The following MAPK10 variants were observed in gnomAD, a reference collection of about 807,000 sequenced individuals.
MAPK10 encodes the protein JNK3 alpha protein kinase.
In MAPK10, 25 loss-of-function variants were observed where a neutral mutation model predicts 59.3. That is an observed-to-expected ratio of 0.42 (90% CI 0.31 to 0.59). The LOEUF is 0.59. Ranked by LOEUF, MAPK10 falls within the 20% of genes least tolerant of loss-of-function variation. The probability of loss-of-function intolerance (pLI) is 0.15; values close to 1 mark genes in which losing one functional copy is unlikely to be tolerated. For synonymous variants in MAPK10, 190 were observed against 200.5 expected, an observed-to-expected ratio of 0.95 and a Z score of 0.44; for missense variants, 351 against 568.9, an observed-to-expected ratio of 0.62 and a Z score of 3.90.
At chr4:86,498,605 T>C (rs1375244439) in intron 1 of MAPK10, among the ~76,000 whole-genome samples, 1 of 152,110 alleles carries the variant, frequency 6.6e-6, no homozygotes, top group African/African-American at 2.4e-5. Context: ...GAAAACAAAA[T>C]ACTAAAAATT....
At chr4:86,165,761 T>C (rs923822866) in intron 3 of MAPK10, among the ~76,000 whole-genome samples, 3 of 151,916 alleles carry the variant, frequency 2.0e-5, no homozygotes, top group African/African-American at 7.3e-5. Context: ...TAGGATTAAA[T>C]TTTGTTCTCT....
At chr4:86,272,869 C>A (rs1240543493) in intron 2 of MAPK10, among the ~76,000 whole-genome samples, 1 of 152,076 alleles carries the variant, frequency 6.6e-6, no homozygotes, top group East Asian at 1.9e-4. Flanking sequence ...ACATCATCTG[C>A]TGCTCTTATA....
At chr4:86,171,494 C>G (rs185014934) in intron 3 of MAPK10, among the ~76,000 whole-genome samples, 4 of 151,470 alleles carry the variant, frequency 2.6e-5, no homozygotes, top group Admixed American at 6.6e-5. Context: ...CCCTATTTAA[C>G]AAATGGTGCT....
At chr4:86,203,012 C>A (rs1054999358) in intron 2 of MAPK10, among the ~76,000 whole-genome samples, 1 of 151,918 alleles carries the variant, frequency 6.6e-6, no homozygotes, top group Admixed American at 6.6e-5. Context: ...TGTATAGAAA[C>A]AACACAGATG....
At chr4:86,360,073 G>A, upstream of MAPK10, 1 of 985,870 alleles carries the variant, frequency 1.0e-6, no homozygotes, top group Non-Finnish European at 1.2e-6. Flanking sequence ...CAGAGGAGAC[G>A]GACAGAGGGC....
intron 4 of MAPK10, among the ~76,000 whole-genome samples, chr4:86,133,349 C>CT (rs2061351588): frequency 6.6e-6 from 1 of 152,080 alleles, no homozygotes; most frequent in African/African-American, 2.4e-5. Context: ...TATTTATCAG[C>CT]TTTTTTACAA....
chr4:86,169,112 G>GA (rs1415024062), intron 3 of MAPK10, among the ~76,000 whole-genome samples: 2 of 151,666 alleles, frequency 1.3e-5, no homozygotes, highest in Non-Finnish European at 2.9e-5. Context: ...CAAAGATGGG[G>GA]AAAAAACAGA....
chr4:86,234,821 TCAA>T (rs1169119489), intron 2 of MAPK10, among the ~76,000 whole-genome samples: 1 of 152,174 alleles, frequency 6.6e-6, no homozygotes, highest in Non-Finnish European at 1.5e-5. Context: ...TAGACTTAAA[TCAA>T]CAACCTCTAA....
At chr4:86,104,802 C>T (rs1361767003) in intron 5 of MAPK10, among the ~76,000 whole-genome samples, 1 of 151,898 alleles carries the variant, frequency 6.6e-6, no homozygotes, top group Non-Finnish European at 1.5e-5. Flanking sequence ...TCTTATTTTC[C>T]CTTTTCCTAT....
At chr4:86,372,301 G>A (rs1177542033) in intron 1 of MAPK10, among the ~76,000 whole-genome samples, 2 of 152,016 alleles carry the variant, frequency 1.3e-5, no homozygotes, top group Non-Finnish European at 2.9e-5. Context: ...GGCAGATCAC[G>A]AGGTCAGGAG....
intron 1 of MAPK10, among the ~76,000 whole-genome samples, chr4:86,422,625 G>A (rs139925389): frequency 7.5e-4 from 114 of 152,246 alleles, no homozygotes; most frequent in Non-Finnish European, 1.5e-3. Context: ...TCATTGGCAC[G>A]CCTGGTAAGC....
chr4:86,340,916 T>C (rs1578536237), intron 2 of MAPK10, among the ~76,000 whole-genome samples: 1 of 152,242 alleles, frequency 6.6e-6, no homozygotes, highest in African/African-American at 2.4e-5. Context: ...GCATTTTCAA[T>C]AGTCATTTTT....
At chr4:86,054,560 G>C (rs1254378120) in intron 11 of MAPK10, among the ~76,000 whole-genome samples, 1 of 152,156 alleles carries the variant, frequency 6.6e-6, no homozygotes, top group Non-Finnish European at 1.5e-5. Context: ...TACAGACATT[G>C]ATTTAACTTT....
chr4:86,311,646 G>A (rs1469520007), intron 2 of MAPK10, among the ~76,000 whole-genome samples: 1 of 151,950 alleles, frequency 6.6e-6, no homozygotes, highest in African/African-American at 2.4e-5. Context: ...TTATTCCTAG[G>A]TGTGTTGCCT....
chr4:86,283,169 T>C (rs556133073), intron 2 of MAPK10, among the ~76,000 whole-genome samples: 2 of 152,332 alleles, frequency 1.3e-5, no homozygotes, highest in East Asian at 1.9e-4. Context: ...TGGCGTATAA[T>C]GGGTATAATT....
intron 1 of MAPK10, among the ~76,000 whole-genome samples, chr4:86,476,254 A>G (rs1294082471): frequency 6.6e-6 from 1 of 151,854 alleles, no homozygotes; most frequent in East Asian, 1.9e-4. Flanking sequence ...CCAGGTCCCA[A>G]TTCTTCCTCA....
At chr4:86,211,218 T>A (rs2085713426) in intron 2 of MAPK10, among the ~76,000 whole-genome samples, 1 of 151,918 alleles carries the variant, frequency 6.6e-6, no homozygotes, top group Non-Finnish European at 1.5e-5. Flanking sequence ...GATATAAACA[T>A]CTAAGAAGCT....
intron 1 of MAPK10, among the ~76,000 whole-genome samples, chr4:86,583,214 G>T (rs1416020889): frequency 6.6e-6 from 1 of 151,864 alleles, no homozygotes; most frequent in Non-Finnish European, 1.5e-5. Context: ...TAGTAGAGAC[G>T]TGGTTTCACT....
chr4:86,116,337 C>G (rs1312378477), intron 4 of MAPK10, among the ~76,000 whole-genome samples: 1 of 152,166 alleles, frequency 6.6e-6, no homozygotes, highest in African/African-American at 2.4e-5. Flanking sequence ...TGATTCGATC[C>G]TCTACAGCCA....
Sources: gnomAD v4.1 joint callset for allele counts (sites outside exome capture counted in the v4.1 genomes callset) on GRCh38, gnomAD v4.1.1 for gene constraint, MANE v1.5 for transcripts, NCBI Gene and HGNC (gene_info 2026-07-23, HGNC 2026-07-21) for gene names.